Variants in ATM observed in about 807,000 individuals in gnomAD.
ATM encodes the protein ATM serine/threonine kinase, also known as serine-protein kinase ATM.
In ATM, 308 loss-of-function variants were observed where a neutral mutation model predicts 387.0. The ratio of observed to expected loss-of-function variants is 0.80; its 90% CI spans 0.73 to 0.87. The LOEUF (loss-of-function observed/expected upper bound fraction) is 0.87. Ranked by LOEUF, ATM falls within the 40% of genes least tolerant of loss-of-function variation. The probability of loss-of-function intolerance (pLI) is 0.00; values close to 1 mark genes in which losing one functional copy is unlikely to be tolerated. For synonymous variants in ATM, 1,156 were observed against 1,187.3 expected (o/e 0.97, Z 0.54); for missense variants, 3,312 against 3,560.9 (o/e 0.93, Z 1.78).
chr11:108,329,412 T>A, intron 49 of ATM, 174 bp downstream of exon 49: 1 of 662,162 alleles, frequency 1.5e-6, no homozygotes. Flanking sequence ...TTTTGTTTTT[T>A]GTTTTTTTTT....
intron 1 of ATM, chr11:108,224,068 C>T (rs1475585415): frequency 6.6e-6 from 1 of 152,216 alleles, no homozygotes; most frequent in East Asian, 1.9e-4. Context: ...TTAATATGAT[C>T]ATTGCTAACA....
intron 4 of ATM, among the ~76,000 whole-genome samples, chr11:108,234,840 TAAAA>T (rs58530637): frequency 1.3e-5 from 2 of 148,200 alleles, no homozygotes; most frequent in Admixed American, 1.3e-4. Flanking sequence ...GACCCTGTCT[TAAAA>T]AAAAAAATTA....
chr11:108,267,420 C>A, intron 17 of ATM, 78 bp downstream of exon 17: 2 of 1,306,118 alleles, frequency 1.5e-6, no homozygotes, highest in East Asian at 2.3e-5. Context: ...TCATTGATAT[C>A]AATTTTGTGC....
intron 14 of ATM, among the ~76,000 whole-genome samples, chr11:108,256,700 A>C (rs2080515457): frequency 6.6e-6 from 1 of 151,996 alleles, no homozygotes; most frequent in South Asian, 2.1e-4. Flanking sequence ...CTGGTGTATA[A>C]TGTTCCCCTC....
intron 20 of ATM, among the ~76,000 whole-genome samples, chr11:108,271,805 T>G (rs953684493): frequency 3.3e-5 from 5 of 152,242 alleles, no homozygotes; most frequent in Admixed American, 2.6e-4. Context: ...AGCACATACA[T>G]ATAATTTAGA....
chr11:108,262,716 A>G (rs1323159011), intron 16 of ATM, among the ~76,000 whole-genome samples: 1 of 150,592 alleles, frequency 6.6e-6, no homozygotes, highest in East Asian at 2.0e-4. Context: ...AAGACCCATC[A>G]GTGTGCTGTA....
At chr11:108,304,246 G>A (rs1366026320) in intron 36 of ATM, among the ~76,000 whole-genome samples, 2 of 152,138 alleles carry the variant, frequency 1.3e-5, no homozygotes, top group African/African-American at 4.8e-5. Context: ...GTTAGAAAAT[G>A]CATAAAAATC....
At chr11:108,335,524 G>A (rs2086744004) in intron 55 of ATM, among the ~76,000 whole-genome samples, 1 of 152,174 alleles carries the variant, frequency 6.6e-6, no homozygotes, top group Admixed American at 6.5e-5. Context: ...ACCATTTGCT[G>A]ACGAGCTCTT....
At chr11:108,256,536 A>G (rs1464051575) in intron 14 of ATM, among the ~76,000 whole-genome samples, 196 bp downstream of exon 14, 1 of 152,116 alleles carries the variant, frequency 6.6e-6, no homozygotes, top group Non-Finnish European at 1.5e-5. Context: ...TTATTATTAT[A>G]CTTTAAGTTC....
chr11:108,249,182 T>G (rs2080007591), intron 9 of ATM, 80 bp downstream of exon 9: 1 of 1,507,794 alleles, frequency 6.6e-7, no homozygotes, highest in East Asian at 2.3e-5. Flanking sequence ...AGTGGAATCC[T>G]TTCATCTCAA....
intron 56 of ATM, chr11:108,340,338 C>T (rs1322990391): frequency 1.3e-5 from 2 of 152,176 alleles, no homozygotes; most frequent in African/African-American, 2.4e-5. Context: ...CATATCATTT[C>T]ATCTGTAAAC....
intron 13 of ATM, among the ~76,000 whole-genome samples, chr11:108,254,909 G>A (rs1266952330): frequency 1.3e-5 from 2 of 152,074 alleles, no homozygotes; most frequent in South Asian, 2.1e-4. Flanking sequence ...TCAGCATCCC[G>A]AAGTGCTAGG....
At chr11:108,359,873 C>G (rs1283902871) in intron 61 of ATM, among the ~76,000 whole-genome samples, 1 of 151,482 alleles carries the variant, frequency 6.6e-6, no homozygotes, top group African/African-American at 2.4e-5. Context: ...ACCCTAACAT[C>G]ACAATTAAAA....
At chr11:108,277,592 C>T (rs1023796951) in intron 22 of ATM, among the ~76,000 whole-genome samples, 12 of 152,070 alleles carry the variant, frequency 7.9e-5, no homozygotes, top group African/African-American at 2.9e-4. Context: ...CAGCATAGCC[C>T]CTCACAGCAT....
chr11:108,261,475 C>G (rs2080882708), intron 16 of ATM, among the ~76,000 whole-genome samples: 1 of 152,200 alleles, frequency 6.6e-6, no homozygotes, highest in Admixed American at 6.5e-5. Context: ...CACCAAAAAC[C>G]CATCTGTACA....
At chr11:108,325,268 T>C (rs1278429177) in intron 45 of ATM, 42 bp from the exon 46 acceptor site, 18 of 844,526 alleles carry the variant, frequency 2.1e-5, no homozygotes, top group Non-Finnish European at 3.2e-5. Context: ...TTTTTTTTTT[T>C]CATTTCTCTT....
At chr11:108,289,937 ATCC>A in intron 29 of ATM, 136 bp downstream of exon 29, 1 of 737,022 alleles carries the variant, frequency 1.4e-6, no homozygotes, top group Non-Finnish European at 2.2e-6. Context: ...GGCTCACTGC[ATCC>A]TCAACCTCCT....
intron 7 of ATM, among the ~76,000 whole-genome samples, chr11:108,245,980 A>C (rs1478710179): frequency 6.6e-6 from 1 of 152,006 alleles, no homozygotes; most frequent in African/African-American, 2.4e-5. Flanking sequence ...GCCTGGCACC[A>C]TGCCCAGCTA....
intron 23 of ATM, among the ~76,000 whole-genome samples, 181 bp from the exon 24 acceptor site, chr11:108,280,814 T>G (rs2082190476): frequency 6.6e-6 from 1 of 152,158 alleles, no homozygotes; most frequent in South Asian, 2.1e-4. Context: ...GTGCTTGTGA[T>G]TTAGCAAAGG....
Sources: gnomAD v4.1 joint callset for allele counts (sites outside exome capture counted in the v4.1 genomes callset) on GRCh38, gnomAD v4.1.1 for gene constraint, MANE v1.5 for transcripts, NCBI Gene and HGNC (gene_info 2026-07-23, HGNC 2026-07-21) for gene names.